Variants in PCDHA1 observed in about 807,000 individuals in gnomAD.
The protein encoded by PCDHA1 is protocadherin alpha-1.
PCDHA1 carries 42 observed loss-of-function variants against 61.3 expected under a neutral mutation model. That is an observed-to-expected ratio of 0.69 (90% CI 0.54 to 0.89). The LOEUF (loss-of-function observed/expected upper bound fraction) is 0.89. Among genes scored for constraint, PCDHA1 ranks in the 40% least tolerant of loss-of-function variants. The pLI is 0.00. For missense variants in PCDHA1, 1,256 were observed against 1,235.3 expected (o/e 1.02, Z -0.25); for synonymous variants, 610 against 553.8 (o/e 1.10, Z -1.43).
At position 140,982,295 on chromosome 5, in the gene PCDHA1, G is replaced by A. The variant is rs1047633434; in HGVS notation, c.2454-180G>A. ...AGTATAGCAGGCAATAAGTAAGTCA[G>A]CAATGCTTCTGCAGTTTATGCAGGG... On this transcript the variant is annotated intron_variant, in intron 2 of 3. Coordinates refer to ENST00000504120, the MANE Select transcript of PCDHA1 (RefSeq NM_018900.4). The A allele has an allele frequency of 3.4e-6, 4 of 1,160,172 alleles. No homozygotes were observed. In the Admixed American group the frequency reaches 8.4e-5, roughly 25 times the overall value. 71.9% of individuals were successfully genotyped at this position (1,160,172 alleles called of 1,614,324 possible).
chr5:140,899,269 A>G (rs1301807291), intron 1 of PCDHA1, among the ~76,000 whole-genome samples: 43 of 152,142 alleles, frequency 2.8e-4, no homozygotes, highest in African/African-American at 1.0e-3. Flanking sequence ...GTCTTGTGGC[A>G]GTTTTCAAAG....
Position 140,822,110 on chromosome 5 carries a change from C to G in PCDHA1, c.2394+33426C>G. On this transcript the variant is annotated intron_variant, in intron 1 of 3. Coordinates refer to ENST00000504120, the MANE Select transcript of PCDHA1 (RefSeq NM_018900.4). Reference sequence around the variant, plus strand: ...CACCTGGAGGTGATCGTGGACAGGCCGCTGCAGGTTTTCCATGTGGAGGTG... The same window carrying G: ...CACCTGGAGGTGATCGTGGACAGGCGGCTGCAGGTTTTCCATGTGGAGGTG... The G allele has an allele frequency of 6.2e-7, 1 of 1,614,208 alleles. No individual in the cohort carries two copies. The highest frequency in any genetic ancestry group is 8.5e-7 in the Non-Finnish European group (1 of 1,180,052).
rs371960819 is a variant in PCDHA1, at chr5:140,928,197, T to C, written c.2395-50752T>C. The C allele has an allele frequency of 1.9e-5, 30 of 1,614,192 alleles. 1 individual carries two copies. In the African/African-American group the frequency reaches 2.0e-4, roughly 11 times the overall value. On this transcript the variant is annotated intron_variant, in intron 1 of 3. Coordinates refer to ENST00000504120, the MANE Select transcript of PCDHA1 (RefSeq NM_018900.4). Reference sequence around the variant, plus strand: ...CCCGAAGGACAATCACTGTGTCAGTTGCTGATGTGAATGACAATACACCAA... The same window carrying C: ...CCCGAAGGACAATCACTGTGTCAGTCGCTGATGTGAATGACAATACACCAA...
At position 140,876,665 on chromosome 5, in the gene PCDHA1, T is replaced by C. The variant is rs781830697; in HGVS notation, c.2394+87981T>C. 98 of 1,614,080 alleles carry C rather than the reference T, an allele frequency of 6.1e-5. 1 individual carries two copies. The South Asian group carries it at 9.4e-4, about 16-fold the overall frequency. ...ACACCTCATGTTCCCTTCAAGCTGG[T>C]GTCCACCTACAAGAATTACTACTCG... On this transcript the variant is annotated intron_variant, in intron 1 of 3. Coordinates refer to ENST00000504120, the MANE Select transcript of PCDHA1 (RefSeq NM_018900.4).
chr5:141,011,924 AG>A lies in PCDHA1; in HGVS notation c.*1989del, dbSNP rs1246091886. Reference sequence around the variant, plus strand: ...ATTTAGGCATTAATATAAAAGAGGTAGGAGTCTGTTATTTAAAAAAAGCATT... The same window carrying A: ...ATTTAGGCATTAATATAAAAGAGGTAGAGTCTGTTATTTAAAAAAAGCATT... On this transcript the variant is annotated 3_prime_UTR_variant, in exon 4 of 4. Coordinates refer to ENST00000504120, the MANE Select transcript of PCDHA1 (RefSeq NM_018900.4). 1 of 153,728 alleles carries A rather than the reference AG, an allele frequency of 6.5e-6. No homozygotes were observed. Among genetic ancestry groups the A allele is most frequent in the Non-Finnish European group, 1.5e-5 (1 of 68,042 alleles). 9.5% of individuals were successfully genotyped at this position (153,728 alleles called of 1,614,324 possible).
chr5:140,927,042 G>T (rs548394870), intron 1 of PCDHA1: 7 of 1,612,270 alleles, frequency 4.3e-6, no homozygotes, highest in Non-Finnish European at 4.2e-6. Context: ...CGGCCGCTAT[G>T]TCCTCGCGGA....
At chr5:140,850,483 C>A in intron 1 of PCDHA1, 2 of 1,598,100 alleles carry the variant, frequency 1.3e-6, no homozygotes, top group East Asian at 4.5e-5. Flanking sequence ...ACGGCCACGG[C>A]CACTGTGCTG....
chr5:140,974,126 T>C (rs1554235851), intron 1 of PCDHA1, among the ~76,000 whole-genome samples: 1 of 152,242 alleles, frequency 6.6e-6, no homozygotes, highest in Non-Finnish European at 1.5e-5. Flanking sequence ...GTGTTTTAAA[T>C]CTGCTAACCT....
chr5:140,857,481 C>A (rs1554150087), intron 1 of PCDHA1: 1 of 1,598,530 alleles, frequency 6.3e-7, no homozygotes, highest in East Asian at 2.2e-5. Flanking sequence ...ACGGTGTCTG[C>A]GTGGGACGCG....
intron 1 of PCDHA1, among the ~76,000 whole-genome samples, chr5:140,790,215 A>G (rs1761573956): frequency 6.6e-6 from 1 of 152,232 alleles, no homozygotes; most frequent in Non-Finnish European, 1.5e-5. Context: ...AGCACGTTTT[A>G]TAGCAGTTTT....
rs371705947 is a variant in PCDHA1, at chr5:140,967,473, C to T, written c.2395-11476C>T. The T allele has an allele frequency of 6.6e-5, 107 of 1,613,362 alleles. No homozygotes were observed. The highest frequency in any genetic ancestry group is 6.6e-4 in the Middle Eastern group (4 of 6,058). On this transcript the variant is annotated intron_variant, in intron 1 of 3. Coordinates refer to ENST00000504120, the MANE Select transcript of PCDHA1 (RefSeq NM_018900.4). The stretch of plus-strand genomic sequence containing the variant: ...ACAGCCGTGGATGGGGGCATCCCAG[C>T]CCGCTCGGGTACGGCACAGATCTCT...
At chr5:140,821,141 T>G (rs190404735) in intron 1 of PCDHA1, among the ~76,000 whole-genome samples, 63 of 152,270 alleles carry the variant, frequency 4.1e-4, no homozygotes, top group African/African-American at 1.3e-3. Flanking sequence ...ATTTGTTTTA[T>G]GAGTAACACG....
At chr5:140,850,650 A>G in intron 1 of PCDHA1, 1 of 1,598,426 alleles carries the variant, frequency 6.3e-7, no homozygotes, top group Non-Finnish European at 8.6e-7. Context: ...GCTGCTGTAC[A>G]CTGTGCTGCG....
rs1554263423 is a variant in PCDHA1 at position 141,011,323 on chromosome 5, C to T, written c.*1386C>T. 1 of 153,686 alleles carries T rather than the reference C, an allele frequency of 6.5e-6. No individual in the cohort carries two copies. The highest frequency in any genetic ancestry group is 1.5e-5 in the Non-Finnish European group (1 of 68,036). The allele number at this position is 153,686 out of a possible 1,614,324, so 9.5% of individuals were successfully genotyped here. A position where few individuals can be genotyped will look rare whatever the true frequency, so the allele number is the denominator to read the frequency against. ...TCTGAATTGCTAATCTTACTAACACCTATGATGTTACCTGAAATCAATCTC... is the reference window on the plus strand; with the variant it reads ...TCTGAATTGCTAATCTTACTAACACTTATGATGTTACCTGAAATCAATCTC... On this transcript the variant is annotated 3_prime_UTR_variant, in exon 4 of 4. Transcript: ENST00000504120.
chr5:140,988,009 A>C (rs1223658003), intron 3 of PCDHA1, among the ~76,000 whole-genome samples: 3 of 152,204 alleles, frequency 2.0e-5, no homozygotes, highest in Non-Finnish European at 4.4e-5. Context: ...CCCCAGAAAG[A>C]AAGCATGATT....
At chr5:140,886,860 C>T (rs1363871264) in intron 1 of PCDHA1, among the ~76,000 whole-genome samples, 1 of 151,304 alleles carries the variant, frequency 6.6e-6, no homozygotes, top group East Asian at 1.9e-4. Flanking sequence ...AAGGTCTTCC[C>T]AACTCCTATA....
At chr5:140,792,133 G>T (rs868993004) in intron 1 of PCDHA1, among the ~76,000 whole-genome samples, 12 of 152,144 alleles carry the variant, frequency 7.9e-5, no homozygotes, top group Middle Eastern at 3.4e-3. Context: ...AAGACTTTAG[G>T]GGAAATTTTT....
At chr5:140,883,538 G>A (rs782240531) in intron 1 of PCDHA1, 1 of 1,614,230 alleles carries the variant, frequency 6.2e-7, no homozygotes, top group Admixed American at 1.7e-5. Flanking sequence ...CTATGAACTG[G>A]TGGTGACCGC....
intron 1 of PCDHA1, among the ~76,000 whole-genome samples, chr5:140,894,254 A>G (rs566555133): frequency 6.6e-6 from 1 of 152,128 alleles, no homozygotes; most frequent in Admixed American, 6.5e-5. Flanking sequence ...TCTTTTCTTT[A>G]CAAGTGGTAG....
Sources: gnomAD v4.1 joint callset for allele counts (sites outside exome capture counted in the v4.1 genomes callset) on GRCh38, gnomAD v4.1.1 for gene constraint, MANE v1.5 for transcripts, NCBI Gene and HGNC (gene_info 2026-07-23, HGNC 2026-07-21) for gene names.